The following MAPK10 variants were observed in gnomAD, a reference collection of about 807,000 sequenced individuals.
The protein encoded by MAPK10 is mitogen-activated protein kinase 10, also known as JNK3 alpha protein kinase.
MAPK10 carries 25 observed loss-of-function variants against 59.3 expected under a neutral mutation model. The ratio of observed to expected loss-of-function variants is 0.42; its 90% confidence interval spans 0.31 to 0.59. MAPK10 has a LOEUF of 0.59. Ranked by LOEUF, MAPK10 falls within the 20% of genes least tolerant of loss-of-function variation. The pLI is 0.15. For missense variants in MAPK10, 351 were observed against 568.9 expected (o/e 0.62, Z 3.90); for synonymous variants, 190 against 200.5 (o/e 0.95, Z 0.44).
At chr4:86,288,552 C>A (rs1311099481) in intron 2 of MAPK10, among the ~76,000 whole-genome samples, 1 of 152,006 alleles carries the variant, frequency 6.6e-6, no homozygotes, top group Non-Finnish European at 1.5e-5. Flanking sequence ...GTATCTCTAA[C>A]TAGCTTAATG....
chr4:86,306,214 A>G (rs1321194896), intron 2 of MAPK10, among the ~76,000 whole-genome samples: 2 of 152,196 alleles, frequency 1.3e-5, no homozygotes, highest in Admixed American at 6.5e-5. Flanking sequence ...TTAAAAAACT[A>G]TATGTTTTAA....
chr4:86,170,041 A>C (rs1259788815), intron 3 of MAPK10, among the ~76,000 whole-genome samples: 2 of 152,198 alleles, frequency 1.3e-5, no homozygotes, highest in African/African-American at 2.4e-5. Context: ...GGCCTGCCCT[A>C]AAAGAGCTCC....
chr4:86,125,192 A>G (rs991625289), intron 4 of MAPK10: 1 of 151,894 alleles, frequency 6.6e-6, no homozygotes, highest in Admixed American at 6.6e-5. Flanking sequence ...CAAATTTATT[A>G]ACCATAACAA....
At chr4:86,274,423 G>A (rs1167842137) in intron 2 of MAPK10, among the ~76,000 whole-genome samples, 1 of 151,900 alleles carries the variant, frequency 6.6e-6, no homozygotes, top group Non-Finnish European at 1.5e-5. Context: ...CTTGGAAAAT[G>A]TTAAAAGAGA....
At chr4:86,051,534 T>A (rs1303925749) in intron 11 of MAPK10, among the ~76,000 whole-genome samples, 1 of 152,198 alleles carries the variant, frequency 6.6e-6, no homozygotes, top group East Asian at 1.9e-4. Context: ...TCCGACTTCA[T>A]GTCTATAGCT....
intron 2 of MAPK10, among the ~76,000 whole-genome samples, chr4:86,309,278 C>T (rs1179164901): frequency 7.9e-5 from 12 of 152,136 alleles, no homozygotes; most frequent in Admixed American, 5.9e-4. Flanking sequence ...TGATGCTGCT[C>T]AGCGTGAATA....
At position 86,168,497 on chromosome 4, in the gene MAPK10, C is replaced by T. The variant is rs571418715; in HGVS notation, c.67-9030G>A. ...CTGAGATCAAACTGCAAGGTGGCAG[C>T]GAGGCTGGGGGAGAGGCGCCCGCCA... On this transcript the variant is annotated intron_variant, in intron 3 of 13. Transcript: ENST00000641462. 4.5e-4 allele frequency among the ~76,000 whole-genome samples: 69 copies of T among 152,302 alleles called. 1 individual carries two copies. Among genetic ancestry groups the T allele is most frequent in the South Asian group, 1.7e-3 (8 of 4,822 alleles).
chr4:86,227,240 C>T (rs2090777831), intron 2 of MAPK10, among the ~76,000 whole-genome samples: 1 of 152,052 alleles, frequency 6.6e-6, no homozygotes, highest in Non-Finnish European at 1.5e-5. Context: ...ATAATCCCAA[C>T]ACTTTGGGAG....
intron 1 of MAPK10, among the ~76,000 whole-genome samples, chr4:86,525,117 G>A (rs905040138): frequency 5.9e-5 from 9 of 151,928 alleles, no homozygotes; most frequent in Admixed American, 2.0e-4. Flanking sequence ...GCAACATGGC[G>A]AAACCCCGTC....
intron 2 of MAPK10, among the ~76,000 whole-genome samples, chr4:86,274,294 T>C (rs928345666): frequency 6.6e-6 from 1 of 152,024 alleles, no homozygotes; most frequent in African/African-American, 2.4e-5. Context: ...AGCTAATTTA[T>C]CATTTGTGTG....
intron 1 of MAPK10, among the ~76,000 whole-genome samples, chr4:86,508,555 C>T (rs1402906308): frequency 6.6e-6 from 1 of 152,094 alleles, no homozygotes; most frequent in Non-Finnish European, 1.5e-5. Context: ...TTTGGTGCAT[C>T]CGGCTTAATA....
intron 4 of MAPK10, among the ~76,000 whole-genome samples, chr4:86,146,092 T>C (rs936470982): frequency 6.6e-6 from 1 of 152,220 alleles, no homozygotes; most frequent in South Asian, 2.1e-4. Flanking sequence ...GTTGGTTTAC[T>C]GGTAATTTAG....
At chr4:86,269,863 C>A (rs1394212729) in intron 2 of MAPK10, among the ~76,000 whole-genome samples, 1 of 152,024 alleles carries the variant, frequency 6.6e-6, no homozygotes, top group African/African-American at 2.4e-5. Flanking sequence ...TCCTGTATAA[C>A]AGTAATAAAG....
At chr4:86,420,986 G>A (rs1306778066) in intron 1 of MAPK10, among the ~76,000 whole-genome samples, 1 of 151,930 alleles carries the variant, frequency 6.6e-6, no homozygotes, top group Non-Finnish European at 1.5e-5. Flanking sequence ...GGAGGCTGAG[G>A]CAGGAGAATC....
intron 2 of MAPK10, among the ~76,000 whole-genome samples, chr4:86,226,466 G>A (rs1239058557): frequency 6.6e-6 from 1 of 152,190 alleles, no homozygotes; most frequent in Non-Finnish European, 1.5e-5. Flanking sequence ...ATTTCAGTGG[G>A]CAGTATCATA....
intron 2 of MAPK10, among the ~76,000 whole-genome samples, chr4:86,236,750 G>GT (rs1455751714): frequency 6.6e-6 from 1 of 152,118 alleles, no homozygotes; most frequent in East Asian, 1.9e-4. Flanking sequence ...TAAGAACCTG[G>GT]TGAGATAAGG....
chr4:86,397,156 A>C (rs950699021), intron 1 of MAPK10, among the ~76,000 whole-genome samples: 1 of 152,210 alleles, frequency 6.6e-6, no homozygotes, highest in African/African-American at 2.4e-5. Flanking sequence ...CAGGAAAGAA[A>C]TATTTTTATT....
At chr4:86,332,718 T>C (rs2096182783) in intron 2 of MAPK10, 2 of 152,154 alleles carry the variant, frequency 1.3e-5, no homozygotes, top group South Asian at 4.1e-4. Flanking sequence ...GAGATGGTGA[T>C]CTAACCAACC....
chr4:86,154,705 C>G (rs1308080113), intron 4 of MAPK10, among the ~76,000 whole-genome samples: 1 of 151,894 alleles, frequency 6.6e-6, no homozygotes, highest in Non-Finnish European at 1.5e-5. Flanking sequence ...AACCTAGATT[C>G]TGAAAGACTG....
Sources: allele counts gnomAD v4.1 joint callset (sites outside exome capture counted in the v4.1 genomes callset), GRCh38; gene constraint gnomAD v4.1.1; transcripts MANE v1.5; gene names NCBI Gene and HGNC (gene_info 2026-07-23, HGNC 2026-07-21).